The following CCND3 variants were observed in gnomAD, a reference collection of about 807,000 sequenced individuals.
The protein encoded by CCND3 is cyclin D3, also known as G1/S-specific cyclin-D3.
In CCND3, 9 loss-of-function variants were observed where a neutral mutation model predicts 28.7. That is an observed-to-expected ratio of 0.31 (90% confidence interval 0.19 to 0.55). CCND3 has a LOEUF of 0.55. CCND3 is among the 20% of genes least tolerant of loss of function. CCND3 has a pLI of 0.93. For missense variants in CCND3, 315 were observed against 385.8 expected (o/e 0.82, Z 1.54); for synonymous variants, 164 against 163.9 (o/e 1.00, Z 0.00).
At chr6:42,044,029 C>T (rs1403560981) in intron 1 of CCND3, among the ~76,000 whole-genome samples, 1 of 152,234 alleles carries the variant, frequency 6.6e-6, no homozygotes, top group Admixed American at 6.5e-5. Context: ...ATTAGCTACC[C>T]TGCTGGCTCG....
intron 1 of CCND3, among the ~76,000 whole-genome samples, chr6:42,019,629 T>C (rs931732543): frequency 1.3e-5 from 2 of 152,170 alleles, no homozygotes; most frequent in African/African-American, 4.8e-5. Flanking sequence ...AGTGAGTTTG[T>C]AGGCACAGAA....
chr6:42,022,891 CG>C (rs1485234996), intron 1 of CCND3, among the ~76,000 whole-genome samples: 2 of 147,522 alleles, frequency 1.4e-5, no homozygotes, highest in Non-Finnish European at 2.9e-5. Flanking sequence ...AGAGCTGGCT[CG>C]GGGTGCTGGA....
At chr6:41,975,259 T>C (rs1762143238) in intron 1 of CCND3, among the ~76,000 whole-genome samples, 1 of 152,218 alleles carries the variant, frequency 6.6e-6, no homozygotes. Flanking sequence ...AAGAACACTG[T>C]GAGCTTCGAG....
At chr6:41,997,686 G>A (rs1436818119) in intron 1 of CCND3, among the ~76,000 whole-genome samples, 1 of 152,090 alleles carries the variant, frequency 6.6e-6, no homozygotes, top group Middle Eastern at 3.2e-3. Flanking sequence ...GAGCCCAGGA[G>A]TTTAAGACCA....
intron 1 of CCND3, among the ~76,000 whole-genome samples, chr6:41,968,860 C>T (rs1426123679): frequency 6.6e-6 from 1 of 152,062 alleles, no homozygotes; most frequent in Non-Finnish European, 1.5e-5. Context: ...GGCTGGAGTG[C>T]AGTGGTGCGA....
intron 1 of CCND3, among the ~76,000 whole-genome samples, chr6:41,959,433 C>T (rs1761641793): frequency 6.6e-6 from 1 of 151,986 alleles, no homozygotes; most frequent in South Asian, 2.1e-4. Context: ...GTGAGCCAGG[C>T]CAGCACTTTG....
intron 1 of CCND3, among the ~76,000 whole-genome samples, chr6:41,996,139 T>TAC (rs1491589408): frequency 1.7e-4 from 3 of 17,858 alleles, no homozygotes; most frequent in Admixed American, 8.7e-4. Flanking sequence ...TATATATATA[T>TAC]TTTTTTTGTT....
intron 1 of CCND3, among the ~76,000 whole-genome samples, chr6:42,031,811 CTCT>C (rs1307484138): frequency 2.9e-5 from 4 of 138,740 alleles, no homozygotes; most frequent in Admixed American, 1.6e-4. Context: ...TTGCAACTGA[CTCT>C]TTTTTTTTTT....
At chr6:41,979,762 G>A (rs1762287998) in intron 1 of CCND3, among the ~76,000 whole-genome samples, 1 of 151,404 alleles carries the variant, frequency 6.6e-6, no homozygotes, top group Admixed American at 6.6e-5. Context: ...TCACTCCTGT[G>A]GAGTCTGTCT....
chr6:42,032,096 T>C (rs1202177127), intron 1 of CCND3, among the ~76,000 whole-genome samples: 1 of 152,034 alleles, frequency 6.6e-6, no homozygotes, highest in Admixed American at 6.6e-5. Context: ...TGGCCGACTC[T>C]TTTTTAAGAG....
At chr6:41,989,192 C>T (rs1351946541) in intron 1 of CCND3, among the ~76,000 whole-genome samples, 1 of 152,006 alleles carries the variant, frequency 6.6e-6, no homozygotes, top group Non-Finnish European at 1.5e-5. Context: ...GGCACTGTGG[C>T]TCATGCCTGT....
chr6:42,026,242 T>A (rs1040581826), intron 1 of CCND3, among the ~76,000 whole-genome samples: 26 of 152,046 alleles, frequency 1.7e-4, no homozygotes, highest in Admixed American at 1.7e-3. Flanking sequence ...ATGACCCTCC[T>A]CTACCTCATC....
chr6:41,986,080 T>C (rs918668821), intron 1 of CCND3, among the ~76,000 whole-genome samples: 16 of 152,068 alleles, frequency 1.1e-4, no homozygotes, highest in African/African-American at 3.4e-4. Flanking sequence ...TTAAGATCAA[T>C]TGACCATAAA....
intron 1 of CCND3, among the ~76,000 whole-genome samples, chr6:42,036,868 C>T (rs770134759): frequency 6.6e-6 from 1 of 152,110 alleles, no homozygotes; most frequent in African/African-American, 2.4e-5. Flanking sequence ...CAAGGCTATA[C>T]TTCTCATTAT....
chr6:41,947,217 T>C (rs1381859139), intron 1 of CCND3, among the ~76,000 whole-genome samples: 1 of 149,078 alleles, frequency 6.7e-6, no homozygotes, highest in African/African-American at 2.5e-5. Context: ...CAAGACTCCG[T>C]CTCAAAAAAA....
intron 1 of CCND3, among the ~76,000 whole-genome samples, chr6:41,980,574 A>C (rs1463370705): frequency 6.6e-6 from 1 of 152,188 alleles, no homozygotes; most frequent in Non-Finnish European, 1.5e-5. Context: ...GCAGACACAA[A>C]TGTTAGAAGA....
rs111750622 is a variant in CCND3, at chr6:41,996,035, C to T, written c.-46+52466G>A. 1.3e-3 allele frequency among the ~76,000 whole-genome samples: 189 copies of T among 150,100 alleles called. 1 individual carries two copies. Among genetic ancestry groups the T allele is most frequent in the African/African-American group, 4.1e-3 (168 of 41,126 alleles). On this transcript the variant is annotated intron_variant, in intron 1 of 4. Coordinates refer to the CCND3 transcript ENST00000372988. ...ACAGAAGTTGCCCTGAATAGGAAGA[C>T]GGTAGAGGATTTTCTTTTCTTTCTG...
chr6:42,035,492 C>T (rs1354165156), intron 1 of CCND3, among the ~76,000 whole-genome samples: 7 of 151,756 alleles, frequency 4.6e-5, no homozygotes, highest in Non-Finnish European at 7.4e-5. Flanking sequence ...CTCAGCCTCC[C>T]GAGTAGCTGG....
chr6:42,005,021 T>TA (rs1266934297), intron 1 of CCND3, among the ~76,000 whole-genome samples: 1 of 152,140 alleles, frequency 6.6e-6, no homozygotes, highest in African/African-American at 2.4e-5. Context: ...TCATAGGTAT[T>TA]AAAAAAGAAA....
Sources: allele counts gnomAD v4.1 joint callset (sites outside exome capture counted in the v4.1 genomes callset), GRCh38; gene constraint gnomAD v4.1.1; transcripts MANE v1.5; gene names NCBI Gene and HGNC (gene_info 2026-07-23, HGNC 2026-07-21).